The following MACROD2 variants were observed in gnomAD, a reference collection of about 807,000 sequenced individuals.
MACROD2 encodes the protein mono-ADP ribosylhydrolase 2, also known as ADP-ribose glycohydrolase MACROD2.
In MACROD2, 36 loss-of-function variants were observed where a neutral mutation model predicts 70.4. The ratio of observed to expected loss-of-function variants is 0.51; its 90% CI spans 0.39 to 0.68. The LOEUF is 0.68. Ranked by LOEUF, MACROD2 falls within the 30% of genes least tolerant of loss-of-function variation. The pLI is 0.00. For synonymous variants in MACROD2, 172 were observed against 178.8 expected (o/e 0.96, Z 0.30); for missense variants, 496 against 538.4 (o/e 0.92, Z 0.78).
At chr20:16,035,361 C>T (rs1186590743) in intron 15 of MACROD2, among the ~76,000 whole-genome samples, 2 of 151,430 alleles carry the variant, frequency 1.3e-5, no homozygotes, top group African/African-American at 4.9e-5. Flanking sequence ...GTTAATCCAG[C>T]AATCCCACTA....
At chr20:14,183,782 T>C (rs1244824289) in intron 3 of MACROD2, among the ~76,000 whole-genome samples, 1 of 152,218 alleles carries the variant, frequency 6.6e-6, no homozygotes, top group African/African-American at 2.4e-5. Context: ...ATTTCTCTAG[T>C]GATCAGTGAT....
At chr20:15,963,874 T>G (rs1384468522) in intron 12 of MACROD2, among the ~76,000 whole-genome samples, 1 of 152,190 alleles carries the variant, frequency 6.6e-6, no homozygotes, top group Non-Finnish European at 1.5e-5. Context: ...TTTTTATTCT[T>G]GTTAATCTTA....
intron 2 of MACROD2, among the ~76,000 whole-genome samples, chr20:14,024,886 T>C (rs2148627411): frequency 6.6e-6 from 1 of 152,336 alleles, no homozygotes; most frequent in African/African-American, 2.4e-5. Context: ...ACTGTCCTCA[T>C]AAAATGAGTT....
At chr20:15,666,474 C>T (rs1292001473) in intron 8 of MACROD2, among the ~76,000 whole-genome samples, 1 of 152,098 alleles carries the variant, frequency 6.6e-6, no homozygotes, top group Non-Finnish European at 1.5e-5. Flanking sequence ...TGGAGGAATT[C>T]TGATGCCAAA....
chr20:15,385,370 C>G (rs2045698848), intron 6 of MACROD2, among the ~76,000 whole-genome samples: 2 of 152,110 alleles, frequency 1.3e-5, no homozygotes, highest in South Asian at 4.2e-4. Flanking sequence ...TTGTCTTTAG[C>G]AGGAAATAAA....
intron 6 of MACROD2, among the ~76,000 whole-genome samples, chr20:15,376,952 G>A (rs1415444792): frequency 2.6e-5 from 4 of 151,992 alleles, no homozygotes; most frequent in African/African-American, 9.7e-5. Context: ...GTGCAGTGGC[G>A]CAATCTTGGC....
Position 15,935,699 on chromosome 20 carries a change from T to A in MACROD2, c.839-1777T>A, listed in dbSNP as rs115258942. On this transcript the variant is annotated intron_variant, in intron 11 of 17. Transcript: ENST00000684519. ...AAATTTAACAAATACATATCAAGGGTTCATTGTGTCATAGGCACCATTCCA... is the reference window on the plus strand; with the variant it reads ...AAATTTAACAAATACATATCAAGGGATCATTGTGTCATAGGCACCATTCCA... 4.5e-3 allele frequency among the ~76,000 whole-genome samples: 688 copies of A among 152,202 alleles called. 4 individuals are homozygous for A. The highest frequency in any genetic ancestry group is 0.015 in the African/African-American group (641 of 41,514).
chr20:16,035,818 G>T (rs2067227891), intron 15 of MACROD2, among the ~76,000 whole-genome samples: 1 of 151,772 alleles, frequency 6.6e-6, no homozygotes, highest in Non-Finnish European at 1.5e-5. Flanking sequence ...ATCCTCCTCG[G>T]ATGAGCTACC....
At chr20:15,427,167 G>C (rs887736776) in intron 6 of MACROD2, among the ~76,000 whole-genome samples, 10 of 152,002 alleles carry the variant, frequency 6.6e-5, no homozygotes, top group African/African-American at 2.4e-4. Flanking sequence ...CTTTTTGTTT[G>C]AATTAATGCA....
intron 2 of MACROD2, among the ~76,000 whole-genome samples, chr20:14,021,289 C>T (rs1391587270): frequency 6.6e-6 from 1 of 152,154 alleles, no homozygotes; most frequent in African/African-American, 2.4e-5. Context: ...ACGCCCAGAG[C>T]TTTTGAATAT....
chr20:16,019,549 G>A (rs1195902551), intron 15 of MACROD2, among the ~76,000 whole-genome samples: 2 of 152,172 alleles, frequency 1.3e-5, no homozygotes, highest in Non-Finnish European at 2.9e-5. Context: ...TTGGAGGGAG[G>A]TGTGTGAGGG....
At chr20:14,218,443 TG>T (rs1317222072) in intron 3 of MACROD2, among the ~76,000 whole-genome samples, 1 of 152,242 alleles carries the variant, frequency 6.6e-6, no homozygotes, top group Non-Finnish European at 1.5e-5. Flanking sequence ...GATAGTTGGT[TG>T]GTGAGTTCTT....
intron 5 of MACROD2, among the ~76,000 whole-genome samples, chr20:14,912,461 C>T (rs562952054): frequency 1.4e-4 from 21 of 152,228 alleles, no homozygotes; most frequent in African/African-American, 5.1e-4. Context: ...GAAGTCATTA[C>T]TAAGGAAACT....
At chr20:14,194,554 T>G (rs2081414666) in intron 3 of MACROD2, among the ~76,000 whole-genome samples, 1 of 152,066 alleles carries the variant, frequency 6.6e-6, no homozygotes, top group African/African-American at 2.4e-5. Flanking sequence ...AAGCTCAAAT[T>G]GTGGCTAACA....
At chr20:14,378,310 G>C (rs762246707) in intron 3 of MACROD2, among the ~76,000 whole-genome samples, 1 of 152,170 alleles carries the variant, frequency 6.6e-6, no homozygotes, top group Non-Finnish European at 1.5e-5. Context: ...AAGGGGTACT[G>C]GCTGTCATGG....
chr20:14,343,850 G>A (rs927133972), intron 3 of MACROD2, among the ~76,000 whole-genome samples: 2 of 152,186 alleles, frequency 1.3e-5, no homozygotes, highest in African/African-American at 4.8e-5. Context: ...GGATTGCCCT[G>A]AAGCACGTGA....
chr20:14,823,612 C>CTTT (rs2072871141), intron 5 of MACROD2, among the ~76,000 whole-genome samples: 1 of 152,048 alleles, frequency 6.6e-6, no homozygotes, highest in African/African-American at 2.4e-5. Context: ...TTGTCCTCTT[C>CTTT]TTTACAAAGA....
intron 10 of MACROD2, among the ~76,000 whole-genome samples, chr20:15,929,589 A>G (rs1483859072): frequency 6.6e-6 from 1 of 152,242 alleles, no homozygotes; most frequent in Admixed American, 6.5e-5. Flanking sequence ...GCAGTATACC[A>G]GCAGGAAGTA....
chr20:14,624,275 A>C (rs1242412254), intron 4 of MACROD2, among the ~76,000 whole-genome samples: 3 of 152,202 alleles, frequency 2.0e-5, no homozygotes, highest in Non-Finnish European at 4.4e-5. Flanking sequence ...TTAAGAAGGA[A>C]ACACAACATC....
Sources: gnomAD v4.1 joint callset for allele counts (sites outside exome capture counted in the v4.1 genomes callset) on GRCh38, gnomAD v4.1.1 for gene constraint, MANE v1.5 for transcripts, NCBI Gene and HGNC (gene_info 2026-07-23, HGNC 2026-07-21) for gene names.